The following VPS53 variants were observed in gnomAD, a reference collection of about 807,000 sequenced individuals.
VPS53 encodes vacuolar protein sorting-associated protein 53 homolog.
VPS53 carries 70 observed loss-of-function variants against 107.0 expected under a neutral mutation model. The observed-to-expected ratio is 0.65, with a 90% CI of 0.54 to 0.80. The LOEUF is 0.80. VPS53 is among the 30% of genes least tolerant of loss of function. The pLI, the probability that VPS53 is intolerant of heterozygous loss-of-function variation, is 0.00. For synonymous variants in VPS53, 409 were observed against 393.3 expected, an observed-to-expected ratio of 1.04 and a Z score of -0.47; for missense variants, 917 against 1,049.4, an observed-to-expected ratio of 0.87 and a Z score of 1.74.
At chr17:555,572 T>TGA (rs1161422181) in intron 15 of VPS53, among the ~76,000 whole-genome samples, 2 of 152,132 alleles carry the variant, frequency 1.3e-5, no homozygotes, top group Non-Finnish European at 2.9e-5. Flanking sequence ...TGACCTCAGG[T>TGA]GATCCACCCA....
intron 4 of VPS53, among the ~76,000 whole-genome samples, chr17:679,603 A>G (rs898394467): frequency 1.1e-4 from 16 of 152,214 alleles, no homozygotes; most frequent in Non-Finnish European, 1.5e-5. Context: ...GAGTAAAATT[A>G]TTTTCAAGAA....
At chr17:568,419 C>CT (rs34481191) in intron 13 of VPS53, among the ~76,000 whole-genome samples, 73,583 of 150,830 alleles carry the variant, frequency 0.49, 18,997 homozygotes, top group African/African-American at 0.65. Context: ...TTTTTGTGGG[C>CT]TTTTTTTTGT....
chr17:629,011 T>C (rs975748476), intron 8 of VPS53, among the ~76,000 whole-genome samples: 8 of 152,232 alleles, frequency 5.3e-5, no homozygotes, highest in African/African-American at 1.9e-4. Flanking sequence ...TGGAATCTAC[T>C]CCTGGCTTGG....
chr17:573,740 A>G (rs1914374848), intron 13 of VPS53, among the ~76,000 whole-genome samples: 1 of 152,200 alleles, frequency 6.6e-6, no homozygotes, highest in Non-Finnish European at 1.5e-5. Flanking sequence ...CAGCCTAGCA[A>G]GCGCGAAGCC....
chr17:683,600 C>T (rs1972480536), intron 4 of VPS53, among the ~76,000 whole-genome samples: 1 of 152,182 alleles, frequency 6.6e-6, no homozygotes, highest in Non-Finnish European at 1.5e-5. Context: ...TGTGAGGTGA[C>T]AAATGCCTTC....
intron 2 of VPS53, among the ~76,000 whole-genome samples, chr17:700,207 C>G (rs574188687): frequency 6.6e-6 from 1 of 152,260 alleles, no homozygotes; most frequent in South Asian, 2.1e-4. Context: ...TAGCTATAAT[C>G]TATCAACTAC....
At chr17:614,536 A>G (rs1207009725) in intron 11 of VPS53, among the ~76,000 whole-genome samples, 34 of 152,202 alleles carry the variant, frequency 2.2e-4, no homozygotes, top group Admixed American at 2.2e-3. Flanking sequence ...GCACCAGTAA[A>G]GCATCCATAA....
At chr17:529,613 A>G (rs1236976288) in intron 19 of VPS53, among the ~76,000 whole-genome samples, 2 of 152,198 alleles carry the variant, frequency 1.3e-5, no homozygotes, top group Non-Finnish European at 2.9e-5. Context: ...TTTCTTATCA[A>G]TGAACATGAG....
intron 8 of VPS53, among the ~76,000 whole-genome samples, chr17:629,577 T>C (rs1969853567): frequency 2.6e-5 from 4 of 151,212 alleles, no homozygotes; most frequent in Admixed American, 2.6e-4. Context: ...GCTAACATGG[T>C]GAAACCCCAT....
chr17:684,512 T>C (rs978609111), intron 4 of VPS53, among the ~76,000 whole-genome samples: 2 of 152,168 alleles, frequency 1.3e-5, no homozygotes, highest in Non-Finnish European at 2.9e-5. Context: ...GCAAGATCTA[T>C]ATACTAAAAA....
chr17:664,232 C>A (rs1297356947), intron 4 of VPS53, among the ~76,000 whole-genome samples: 1 of 152,130 alleles, frequency 6.6e-6, no homozygotes, highest in African/African-American at 2.4e-5. Context: ...GCACCTGCCA[C>A]CACACCTGGC....
chr17:563,467 T>G (rs1340138594), intron 13 of VPS53, among the ~76,000 whole-genome samples: 1 of 152,128 alleles, frequency 6.6e-6, no homozygotes, highest in African/African-American at 2.4e-5. Flanking sequence ...AGCTAACTTT[T>G]ATTTTCAGTA....
At chr17:614,921 C>T (rs1347379638) in intron 11 of VPS53, among the ~76,000 whole-genome samples, 1 of 152,140 alleles carries the variant, frequency 6.6e-6, no homozygotes, top group Non-Finnish European at 1.5e-5. Context: ...AAAAGGGGAA[C>T]ATTTTTAATT....
chr17:690,852 C>T lies in VPS53; in HGVS notation c.285+6566G>A, dbSNP rs147847421. Among the ~76,000 whole-genome samples the T allele has an allele frequency of 1.2e-3, 186 of 152,328 alleles. 1 individual carries two copies. Among genetic ancestry groups the T allele is most frequent in the African/African-American group, 4.4e-3 (181 of 41,580 alleles). On this transcript the variant is annotated intron_variant, in intron 4 of 21. Transcript: ENST00000437048. ...GTGGCCCTTAAGTTTTGAAGAGTCA[C>T]AGACTCCTTAGAAAATCTAGAAAAA...
chr17:668,736 T>C (rs944448974), intron 4 of VPS53, among the ~76,000 whole-genome samples: 8 of 152,220 alleles, frequency 5.3e-5, no homozygotes, highest in African/African-American at 1.9e-4. Flanking sequence ...ACATATGACA[T>C]GCAGCTAAGA....
At chr17:556,120 T>TA (rs1161499945) in intron 15 of VPS53, among the ~76,000 whole-genome samples, 3 of 151,798 alleles carry the variant, frequency 2.0e-5, no homozygotes, top group Non-Finnish European at 2.9e-5. Flanking sequence ...CTACAAAAAA[T>TA]AAAAAAATAC....
At chr17:563,231 G>A (rs17676874) in intron 13 of VPS53, among the ~76,000 whole-genome samples, 1 of 150,548 alleles carries the variant, frequency 6.6e-6, no homozygotes, top group African/African-American at 2.4e-5. Context: ...CTGAACACTT[G>A]AGATGCACCA....
chr17:708,802 T>C (rs1356875624), intron 2 of VPS53, among the ~76,000 whole-genome samples: 1 of 152,208 alleles, frequency 6.6e-6, no homozygotes, highest in Non-Finnish European at 1.5e-5. Flanking sequence ...GTCGTAATAA[T>C]GAAACAAAGA....
chr17:699,263 A>G, intron 3 of VPS53, 68 bp downstream of exon 3: 1 of 1,307,932 alleles, frequency 7.6e-7, no homozygotes, highest in East Asian at 2.8e-5. Context: ...AATGTGATCC[A>G]GAATGTGATT....
Sources: allele counts gnomAD v4.1 joint callset (sites outside exome capture counted in the v4.1 genomes callset), GRCh38; gene constraint gnomAD v4.1.1; transcripts MANE v1.5; gene names NCBI Gene and HGNC (gene_info 2026-07-23, HGNC 2026-07-21).